The following TANC2 variants were observed in gnomAD, a reference collection of about 807,000 sequenced individuals.
TANC2 encodes protein TANC2.
TANC2 carries 26 observed loss-of-function variants against 210.5 expected under a neutral mutation model. That is an observed-to-expected ratio of 0.12 (90% confidence interval 0.09 to 0.17). The LOEUF (loss-of-function observed/expected upper bound fraction) is 0.17. Among genes scored for constraint, TANC2 ranks in the 10% least tolerant of loss-of-function variants. The pLI, the probability that TANC2 is intolerant of heterozygous loss-of-function variation, is 1.00. For missense variants in TANC2, 2,129 were observed against 2,608.9 expected (o/e 0.82, Z 4.01); for synonymous variants, 931 against 967.1 (o/e 0.96, Z 0.69).
intron 11 of TANC2, among the ~76,000 whole-genome samples, chr17:63,328,185 C>T (rs1229639196): frequency 6.6e-6 from 1 of 152,124 alleles, no homozygotes; most frequent in Non-Finnish European, 1.5e-5. Flanking sequence ...CTGGGGCTCA[C>T]TTGAGGGTGG....
At chr17:63,001,839 C>T (rs934286436) in intron 1 of TANC2, among the ~76,000 whole-genome samples, 6 of 152,106 alleles carry the variant, frequency 3.9e-5, no homozygotes, top group East Asian at 1.9e-4. Context: ...TAAGCCACTG[C>T]GCCTGGTCAA....
intron 7 of TANC2, among the ~76,000 whole-genome samples, chr17:63,210,332 C>A (rs1299458425): frequency 2.6e-5 from 4 of 152,186 alleles, no homozygotes. Flanking sequence ...TCATCATGGA[C>A]ACATGTCCAG....
At chr17:63,349,454 G>A (rs934633877) in intron 12 of TANC2, among the ~76,000 whole-genome samples, 1 of 152,170 alleles carries the variant, frequency 6.6e-6, no homozygotes, top group Admixed American at 6.5e-5. Flanking sequence ...CCTGGTTGAA[G>A]TTATTAAAGG....
chr17:63,374,032 GTTTTT>G (rs35801082), intron 14 of TANC2, among the ~76,000 whole-genome samples: 2 of 93,528 alleles, frequency 2.1e-5, no homozygotes, highest in East Asian at 2.6e-4. Flanking sequence ...GTTGTTGTTG[GTTTTT>G]TTTTTTTTTT....
chr17:63,176,602 G>A (rs552612572), intron 5 of TANC2, among the ~76,000 whole-genome samples: 18 of 151,950 alleles, frequency 1.2e-4, no homozygotes, highest in East Asian at 7.9e-4. Context: ...TCAGAAGATC[G>A]AGACCATCGT....
chr17:63,199,837 A>T (rs2041468228), intron 6 of TANC2, among the ~76,000 whole-genome samples: 2 of 152,174 alleles, frequency 1.3e-5, no homozygotes, highest in Admixed American at 1.3e-4. Flanking sequence ...ATCATTCAGG[A>T]TACAAAGTGA....
intron 3 of TANC2, among the ~76,000 whole-genome samples, chr17:63,082,459 C>T (rs1468281094): frequency 6.6e-6 from 1 of 151,972 alleles, no homozygotes; most frequent in Non-Finnish European, 1.5e-5. Flanking sequence ...CACAAGGGGG[C>T]AGAATAAGAC....
At chr17:63,034,068 C>T (rs1281174250) in intron 2 of TANC2, among the ~76,000 whole-genome samples, 1 of 152,124 alleles carries the variant, frequency 6.6e-6, no homozygotes, top group Non-Finnish European at 1.5e-5. Context: ...GATGGTTACA[C>T]TAAACAACAG....
At chr17:63,060,304 A>G (rs1485016097) in intron 2 of TANC2, among the ~76,000 whole-genome samples, 1 of 152,254 alleles carries the variant, frequency 6.6e-6, no homozygotes, top group African/African-American at 2.4e-5. Flanking sequence ...TAGTGATTAC[A>G]TACTACAATC....
At chr17:62,987,004 C>T (rs1481658534) in intron 1 of TANC2, among the ~76,000 whole-genome samples, 1 of 152,154 alleles carries the variant, frequency 6.6e-6, no homozygotes, top group Non-Finnish European at 1.5e-5. Context: ...TGGTGCACTG[C>T]CGGGCTGTTT....
chr17:63,114,768 A>G lies in TANC2; in HGVS notation c.322+15411A>G, dbSNP rs187550297. Reference sequence around the variant, plus strand: ...AAAATAAAAAAGAATGTAAAACTGTATAAGTTTTAGCATGACTTACCTAAA... The same window carrying G: ...AAAATAAAAAAGAATGTAAAACTGTGTAAGTTTTAGCATGACTTACCTAAA... On this transcript the variant is annotated intron_variant, in intron 4 of 27. Coordinates refer to ENST00000689528, the Ensembl canonical transcript of TANC2. Among the ~76,000 whole-genome samples the G allele has an allele frequency of 8.5e-3, 1,288 of 152,362 alleles. 9 individuals carry two copies. Among genetic ancestry groups the G allele is most frequent in the South Asian group, 0.016 (76 of 4,830 alleles).
In TANC2 at chr17:63,098,513, G is replaced by A. The variant is rs374692087; in HGVS notation, c.140-662G>A. On this transcript the variant is annotated intron_variant, in intron 3 of 27. Transcript: ENST00000689528. The stretch of plus-strand genomic sequence containing the variant: ...TCTCTCTCTCTCTCTCTCTCTCTGT[G>A]TGTATATATATATATATATATGTAA... Among the ~76,000 whole-genome samples the A allele has an allele frequency of 1.0e-3, 129 of 125,386 alleles. 2 individuals carry two copies. The highest frequency in any genetic ancestry group is 3.3e-3 in the African/African-American group (107 of 32,860). The allele number at this position is 125,386 out of a possible 152,430, so 82.3% of individuals were successfully genotyped here. A position where few individuals can be genotyped will look rare whatever the true frequency, so the allele number is the denominator to read the frequency against.
At chr17:63,177,180 G>A (rs1200236525) in intron 5 of TANC2, among the ~76,000 whole-genome samples, 9 of 148,530 alleles carry the variant, frequency 6.1e-5, no homozygotes, top group Admixed American at 4.1e-4. Flanking sequence ...TGGGAGAATC[G>A]CTAGAACCCA....
At position 63,005,945 on chromosome 17, in the gene TANC2, T is replaced by TGA. The variant is rs1555750259; in HGVS notation, c.-23-3591_-23-3590dup. Reference sequence around the variant, plus strand: ...GTGTGTGTGTGTGTGTGTGTGTGTGTGAAGAGTTTTGATCAATTTCTTTAA... The same window carrying TGA: ...GTGTGTGTGTGTGTGTGTGTGTGTGTGAGAAGAGTTTTGATCAATTTCTTTAA... On this transcript the variant is annotated intron_variant, in intron 1 of 27. Coordinates refer to ENST00000689528, the Ensembl canonical transcript of TANC2. Among the ~76,000 whole-genome samples, 21 of 139,538 alleles carry TGA rather than the reference T, an allele frequency of 1.5e-4. No homozygotes were observed. The South Asian group carries it at 1.6e-3, about 11-fold the overall frequency. 91.5% of individuals were successfully genotyped at this position (139,538 alleles called of 152,430 possible). A position where few individuals can be genotyped will look rare whatever the true frequency, so the allele number is the denominator to read the frequency against.
chr17:63,307,646 T>C, intron 9 of TANC2, among the ~76,000 whole-genome samples: 1 of 152,198 alleles, frequency 6.6e-6, no homozygotes, highest in Non-Finnish European at 1.5e-5. Flanking sequence ...CAGAAGAATA[T>C]TGGTGTGGTT....
At chr17:63,380,525 T>G (rs2047572390) in intron 15 of TANC2, among the ~76,000 whole-genome samples, 1 of 152,234 alleles carries the variant, frequency 6.6e-6, no homozygotes, top group Non-Finnish European at 1.5e-5. Context: ...GAATTTGTAG[T>G]TCAGATAACA....
intron 10 of TANC2, among the ~76,000 whole-genome samples, chr17:63,315,437 G>A (rs1270713763): frequency 6.6e-6 from 1 of 152,098 alleles, no homozygotes; most frequent in African/African-American, 2.4e-5. Context: ...TGGTTTCAGA[G>A]GCCATTCTCC....
At chr17:63,166,692 C>A (rs1033233296) in intron 5 of TANC2, among the ~76,000 whole-genome samples, 10 of 152,046 alleles carry the variant, frequency 6.6e-5, no homozygotes, top group African/African-American at 2.4e-4. Flanking sequence ...GGAGAAGAAC[C>A]CTGTAAGAAG....
At chr17:63,214,816 C>G (rs548188845) in intron 7 of TANC2, among the ~76,000 whole-genome samples, 1 of 152,326 alleles carries the variant, frequency 6.6e-6, no homozygotes, top group South Asian at 2.1e-4. Context: ...TACAGTCCAA[C>G]CCTTGTACCA....
Sources: allele counts gnomAD v4.1 joint callset (sites outside exome capture counted in the v4.1 genomes callset), GRCh38; gene constraint gnomAD v4.1.1; transcripts MANE v1.5; gene names NCBI Gene and HGNC (gene_info 2026-07-23, HGNC 2026-07-21).